The following TMPRSS7 variants were observed in gnomAD, a reference collection of about 807,000 sequenced individuals.
The protein encoded by TMPRSS7 is transmembrane serine protease 7.
In TMPRSS7, 81 loss-of-function variants were observed where a neutral mutation model predicts 95.6. The observed-to-expected ratio is 0.85, with a 90% CI of 0.71 to 1.02. The LOEUF (loss-of-function observed/expected upper bound fraction) is 1.02. Ranked by LOEUF, TMPRSS7 falls within the 50% of genes least tolerant of loss-of-function variation. The pLI, the probability that TMPRSS7 is intolerant of heterozygous loss-of-function variation, is 0.00. For missense variants in TMPRSS7, 945 were observed against 955.2 expected (o/e 0.99, Z 0.14); for synonymous variants, 364 against 337.8 (o/e 1.08, Z -0.85).
chr3:112,045,702 CTGTA>C, intron 4 of TMPRSS7, 44 bp from the exon 5 acceptor site: 1 of 1,484,474 alleles, frequency 6.7e-7, no homozygotes, highest in Non-Finnish European at 9.0e-7. Flanking sequence ...TATTTCTTCT[CTGTA>C]AAGTCCTATG....
At chr3:112,038,616 C>CTAT (rs972717483) in intron 2 of TMPRSS7, among the ~76,000 whole-genome samples, 2 of 148,790 alleles carry the variant, frequency 1.3e-5, no homozygotes, top group African/African-American at 4.8e-5. Context: ...GACCACAGGT[C>CTAT]TATGCCAGCA....
intron 3 of TMPRSS7, among the ~76,000 whole-genome samples, chr3:112,042,494 A>G (rs996117178): frequency 6.6e-6 from 1 of 152,248 alleles, no homozygotes; most frequent in African/African-American, 2.4e-5. Flanking sequence ...AGCAAAATTC[A>G]GATGATTATG....
chr3:112,037,588 C>T (rs1844927), intron 1 of TMPRSS7, among the ~76,000 whole-genome samples: 143,875 of 152,274 alleles, frequency 0.94, 68,059 homozygotes, highest in East Asian at 1. Context: ...CTTTGAAGCA[C>T]GTGATCTCTG....
intron 7 of TMPRSS7, among the ~76,000 whole-genome samples, chr3:112,049,116 C>T (rs1414865332): frequency 2.0e-5 from 3 of 152,170 alleles, no homozygotes; most frequent in African/African-American, 7.2e-5. Flanking sequence ...GGGTCAAGCC[C>T]GGGCCATTCC....
chr3:112,077,402 A>G (rs2073724906), intron 16 of TMPRSS7, among the ~76,000 whole-genome samples: 1 of 152,206 alleles, frequency 6.6e-6, no homozygotes, highest in African/African-American at 2.4e-5. Context: ...CTAGATAGTC[A>G]TGGGCCCTTT....
chr3:112,054,206 A>T (rs138414232), intron 9 of TMPRSS7, among the ~76,000 whole-genome samples: 1 of 152,298 alleles, frequency 6.6e-6, no homozygotes, highest in African/African-American at 2.4e-5. Context: ...GGGTGGGCTG[A>T]AAGATGAAGC....
chr3:112,060,461 C>G (rs901002303), intron 10 of TMPRSS7, among the ~76,000 whole-genome samples: 1 of 152,114 alleles, frequency 6.6e-6, no homozygotes, highest in South Asian at 2.1e-4. Flanking sequence ...CCCAAGGGGG[C>G]CATTTTAGAG....
chr3:112,064,351 C>CTTTTCCTTTT (rs145270808), intron 12 of TMPRSS7, among the ~76,000 whole-genome samples: 2 of 149,014 alleles, frequency 1.3e-5, no homozygotes, highest in Non-Finnish European at 3.0e-5. Flanking sequence ...TGTGTGTTTT[C>CTTTTCCTTTT]TTTTCTTTTT....
chr3:112,077,035 T>A, exon 16 of TMPRSS7: 1 of 1,614,200 alleles, frequency 6.2e-7, no homozygotes, highest in Non-Finnish European at 8.5e-7. Flanking sequence ...TTGCCTGGCC[T>A]GAGACCCTGA....
At chr3:112,074,493 T>A (rs2073689811) in intron 14 of TMPRSS7, 81 bp downstream of exon 14, 1 of 1,069,562 alleles carries the variant, frequency 9.3e-7, no homozygotes, top group Non-Finnish European at 1.4e-6. Context: ...CCCTTCTTGG[T>A]GTATTTCCCT....
chr3:112,042,179 G>T lies in TMPRSS7; in HGVS notation c.429+129G>T, dbSNP rs373089460. 5 of 630,696 alleles carry T rather than the reference G, an allele frequency of 7.9e-6. No homozygotes were observed. In the East Asian group the frequency reaches 1.1e-4, roughly 14 times the overall value. 39.1% of individuals were successfully genotyped at this position (630,696 alleles called of 1,614,324 possible). On this transcript the variant is annotated intron_variant, in intron 3 of 17. Coordinates refer to ENST00000452346, the Ensembl canonical transcript of TMPRSS7. The stretch of plus-strand genomic sequence containing the variant: ...GGAAGTAGAGGGCAGGGTAGACAAA[G>T]GAAGGTGTCAGAAGAAAACATGAAA...
chr3:112,050,542 A>T (rs1184009405), intron 8 of TMPRSS7, 129 bp from the exon 9 acceptor site: 1 of 407,238 alleles, frequency 2.5e-6, no homozygotes, highest in African/African-American at 2.1e-5. Context: ...AAAAAAACCC[A>T]AAGTTTAAGA....
intron 3 of TMPRSS7, among the ~76,000 whole-genome samples, chr3:112,043,254 G>C (rs557697434): frequency 2.0e-4 from 30 of 152,126 alleles, no homozygotes; most frequent in Admixed American, 3.9e-4. Flanking sequence ...TTACTGTACT[G>C]AACAGTGTAG....
chr3:112,036,045 G>C lies in TMPRSS7; in HGVS notation c.48+1152G>C, dbSNP rs568492721. Among the ~76,000 whole-genome samples the C allele has an allele frequency of 1.1e-3, 175 of 152,182 alleles. 2 individuals carry two copies. The highest frequency in any genetic ancestry group is 4.0e-3 in the African/African-American group (164 of 41,518). ...CCGTATGTAAACACACATGCTTTAC[G>C]AACAATTTGTGCAGTTACAAATTGC... is the stretch of plus-strand genomic sequence containing the variant. On this transcript the variant is annotated intron_variant, in intron 1 of 17. Coordinates refer to ENST00000452346, the Ensembl canonical transcript of TMPRSS7.
At position 112,063,746 on chromosome 3, in the gene TMPRSS7, C is replaced by T. The variant is rs2073542353; in HGVS notation, c.1555+114C>T. 4 of 830,564 alleles carry T rather than the reference C, an allele frequency of 4.8e-6. No individual in the cohort carries two copies. The East Asian group carries it at 7.6e-5, about 16-fold the overall frequency. 51.4% of individuals were successfully genotyped at this position (830,564 alleles called of 1,614,324 possible). A position where few individuals can be genotyped will look rare whatever the true frequency, so the allele number is the denominator to read the frequency against. On this transcript the variant is annotated intron_variant, in intron 12 of 17. Transcript: ENST00000452346. ...GTAGTTATTATCTATTACTGCATAA[C>T]CAACTACCCCAAAACCCAGTGACTT...
intron 13 of TMPRSS7, among the ~76,000 whole-genome samples, chr3:112,067,302 G>A (rs1347430235): frequency 1.3e-5 from 2 of 152,332 alleles, no homozygotes; most frequent in South Asian, 2.1e-4. Flanking sequence ...GTGTGTATGT[G>A]TCTTTATAGT....
chr3:112,063,052 G>C (rs60031977), intron 11 of TMPRSS7, among the ~76,000 whole-genome samples: 12 of 152,160 alleles, frequency 7.9e-5, no homozygotes, highest in African/African-American at 2.9e-4. Context: ...ATGTTTTGGA[G>C]CACAGCTCAC....
chr3:112,047,963 T>TACAG lies in TMPRSS7; in HGVS notation c.956_959dup (p.Ile321GlnfsTer4), dbSNP rs763392006. Reference sequence around the variant, plus strand: ...TTTGCCCATCCGGAGCAGCATCTTGTACAGGTACGATGCAGGTACTCTTCT... The same window carrying TACAG: ...TTTGCCCATCCGGAGCAGCATCTTGTACAGACAGGTACGATGCAGGTACTCTTCT... On this transcript the variant is annotated frameshift_variant, in exon 7 of 18. Transcript: ENST00000452346. LOFTEE classifies it high-confidence loss of function. The TACAG allele has an allele frequency of 6.2e-7, 1 of 1,612,546 alleles. No individual in the cohort carries two copies. The highest frequency in any genetic ancestry group is 1.7e-5 in the Admixed American group (1 of 60,008).
At chr3:112,050,044 C>T in intron 8 of TMPRSS7, 70 bp downstream of exon 8, 1 of 1,424,690 alleles carries the variant, frequency 7.0e-7, no homozygotes, top group Admixed American at 2.2e-5. Flanking sequence ...TCTTATCTTT[C>T]TGGAAGCTGT....
Sources: gnomAD v4.1 joint callset for allele counts (sites outside exome capture counted in the v4.1 genomes callset) on GRCh38, gnomAD v4.1.1 for gene constraint, MANE v1.5 for transcripts, NCBI Gene and HGNC (gene_info 2026-07-23, HGNC 2026-07-21) for gene names.